ARHGEF18: variants seen among roughly 807,000 people sequenced by gnomAD.
ARHGEF18 encodes the protein Rho/Rac guanine nucleotide exchange factor 18.
A neutral mutation model predicts 155.7 loss-of-function variants in ARHGEF18; 93 were observed. The ratio of observed to expected loss-of-function variants is 0.60; its 90% CI spans 0.50 to 0.71. The LOEUF (loss-of-function observed/expected upper bound fraction) is 0.71. ARHGEF18 is among the 30% of genes least tolerant of loss of function. The probability of loss-of-function intolerance (pLI) is 0.00; values close to 1 mark genes in which losing one functional copy is unlikely to be tolerated. For missense variants in ARHGEF18, 1,593 were observed against 1,816.1 expected (o/e 0.88, Z 2.23); for synonymous variants, 742 against 753.1 (o/e 0.99, Z 0.24).
At position 7,376,578 on chromosome 19, in the gene ARHGEF18, T is replaced by A. The variant is rs1970470574; in HGVS notation, c.427-65T>A. 9.1e-6 allele frequency: 10 copies of A among 1,104,522 alleles called. No homozygotes were observed. The East Asian group carries it at 3.2e-4, about 36-fold the overall frequency. 68.4% of individuals were successfully genotyped at this position (1,104,522 alleles called of 1,614,324 possible). A position where few individuals can be genotyped will look rare whatever the true frequency, so the allele number is the denominator to read the frequency against. Reference sequence around the variant, plus strand: ...CCTGGCTGTGGGTTGGGCCCCTCAATCCAGGGAACCTGCCTGCAGTCCAGG... The same window carrying A: ...CCTGGCTGTGGGTTGGGCCCCTCAAACCAGGGAACCTGCCTGCAGTCCAGG... On this transcript the variant is annotated intron_variant, in intron 4 of 28. Transcript: ENST00000668164.
In ARHGEF18 at chr19:7,444,146, C is replaced by A; in HGVS notation, c.1361-58C>A. 1 of 1,589,986 alleles carries A rather than the reference C, an allele frequency of 6.3e-7. No homozygotes were observed. The highest frequency in any genetic ancestry group is 8.6e-7 in the Non-Finnish European group (1 of 1,165,332). On this transcript the variant is annotated intron_variant, in intron 13 of 28. Coordinates refer to ENST00000668164, the MANE Select transcript of ARHGEF18 (RefSeq NM_001367823.1). This position sits in a 1 kb window ranked among gnomAD's most constrained non-coding sequence, Gnocchi z 4.7. ...CGTGAAGGGCAGGCAGCACCCACGA[C>A]TGCCCAGCGGGGCCGTGGAGCCAGC...
At chr19:7,379,693 G>A (rs1158872487) in intron 7 of ARHGEF18, among the ~76,000 whole-genome samples, 7 of 152,170 alleles carry the variant, frequency 4.6e-5, no homozygotes, top group Non-Finnish European at 1.0e-4. Flanking sequence ...GCAAACAGGT[G>A]AAGGTGCCTC....
At position 7,440,139 on chromosome 19, in the gene ARHGEF18, A is replaced by C. The variant is rs776293948; in HGVS notation, c.968-205A>C. 3.9e-6 allele frequency: 6 copies of C among 1,551,168 alleles called. No homozygotes were observed. Among genetic ancestry groups the C allele is most frequent in the Non-Finnish European group, 5.2e-6 (6 of 1,146,914 alleles). On this transcript the variant is annotated intron_variant, in intron 10 of 28. Transcript: ENST00000668164. The surrounding 1 kb of genome is among the most constrained non-coding windows in gnomAD (Gnocchi z 5.4). Reference sequence around the variant, plus strand: ...GCACTCCAAAAGCGGGGACAGGCACAGCGCGCTCCCCGGCCGCCCCGAGCT... The same window carrying C: ...GCACTCCAAAAGCGGGGACAGGCACCGCGCGCTCCCCGGCCGCCCCGAGCT...
In ARHGEF18 at chr19:7,441,928, G is replaced by A. The variant is rs757219695; in HGVS notation, c.1236G>A (p.Ser412=). 1.9e-5 allele frequency: 31 copies of A among 1,613,918 alleles called. No homozygotes were observed. The highest frequency in any genetic ancestry group is 2.4e-5 in the Non-Finnish European group (28 of 1,179,994). Residue 412 remains serine, a synonymous_variant, in exon 13 of 29, where the codon TCG becomes TCA. Coordinates refer to ENST00000668164, the MANE Select transcript of ARHGEF18 (RefSeq NM_001367823.1). ...TTCCCTCAGATCCCTACACCGCCTC[G>A]CTGAGGAGTGAGATTGAGTCAGACG... The part of the protein sequence containing the change: ...SIFVEDPYTA[S]LRSEIESDGH...
At chr19:7,361,991 GGAAGAA>G (rs1185709548) in intron 1 of ARHGEF18, among the ~76,000 whole-genome samples, 5,623 of 79,542 alleles carry the variant, frequency 0.071, 768 homozygotes, top group East Asian at 0.18. Flanking sequence ...AAGACTCTGT[GGAAGAA>G]GAAGAAGAAG....
At chr19:7,361,504 T>G (rs1753340415) in intron 1 of ARHGEF18, among the ~76,000 whole-genome samples, 1 of 152,116 alleles carries the variant, frequency 6.6e-6, no homozygotes, top group South Asian at 2.1e-4. Context: ...ACTCCAGCAA[T>G]TCCCTTCCTA....
At chr19:7,368,392 C>T (rs952795762) in intron 2 of ARHGEF18, among the ~76,000 whole-genome samples, 7 of 152,116 alleles carry the variant, frequency 4.6e-5, no homozygotes, top group African/African-American at 1.7e-4. Flanking sequence ...GCGTACGATG[C>T]TTACTCAGAT....
chr19:7,439,631 C>CGTGTAGAT lies in ARHGEF18; in HGVS notation c.968-713_968-712insGTGTAGAT. The CGTGTAGAT allele has an allele frequency of 7.4e-6, 8 of 1,077,364 alleles. No homozygotes were observed. The South Asian group carries it at 1.0e-4, about 14-fold the overall frequency. The allele number at this position is 1,077,364 out of a possible 1,614,324, so 66.7% of individuals were successfully genotyped here. A position where few individuals can be genotyped will look rare whatever the true frequency, so the allele number is the denominator to read the frequency against. ...ATCACCATATGGAACAGAATCGGAGCCTCGCGTCCACTTCGATGCTAGAAT... is the reference window on the plus strand; with the variant it reads ...ATCACCATATGGAACAGAATCGGAGCGTGTAGATCTCGCGTCCACTTCGATGCTAGAAT... On this transcript the variant is annotated intron_variant, in intron 10 of 28. Coordinates refer to ENST00000668164, the MANE Select transcript of ARHGEF18 (RefSeq NM_001367823.1).
At chr19:7,378,600 C>A in intron 6 of ARHGEF18, 149 bp downstream of exon 6, 1 of 531,768 alleles carries the variant, frequency 1.9e-6, no homozygotes, top group Non-Finnish European at 2.8e-6. Context: ...ATAACCTCAT[C>A]TTTCTGCCAC....
At chr19:7,476,623 C>T (rs540242111), downstream of ARHGEF18, among the ~76,000 whole-genome samples, 19 of 152,360 alleles carry the variant, frequency 1.2e-4, no homozygotes, top group East Asian at 3.1e-3. Context: ...GCCACGCCCT[C>T]GGGTGGCCTG....
intron 10 of ARHGEF18, among the ~76,000 whole-genome samples, chr19:7,393,132 C>T (rs549218196): frequency 2.0e-5 from 3 of 151,562 alleles, no homozygotes; most frequent in African/African-American, 7.3e-5. Flanking sequence ...AGCTGCCCAA[C>T]CATTGAGCCC....
intron 2 of ARHGEF18, 53 bp from the exon 3 acceptor site, chr19:7,372,759 T>C (rs182769898): frequency 8.9e-6 from 11 of 1,233,624 alleles, no homozygotes; most frequent in Non-Finnish European, 1.1e-5. Context: ...CCCCAGGTTC[T>C]GCTGCCCCTT....
intron 10 of ARHGEF18, among the ~76,000 whole-genome samples, chr19:7,398,690 CAAA>C (rs1176940342): frequency 3.5e-5 from 4 of 114,884 alleles, no homozygotes; most frequent in Non-Finnish European, 6.0e-5. Flanking sequence ...GACTCTGTCT[CAAA>C]AAAAAAAAAA....
intron 10 of ARHGEF18, among the ~76,000 whole-genome samples, chr19:7,399,715 C>T (rs1057069755): frequency 2.0e-5 from 3 of 151,306 alleles, no homozygotes; most frequent in African/African-American, 7.3e-5. Context: ...TTCCTGACCT[C>T]GTGATCCGCC....
chr19:7,404,754 ATTGGTCTGG>A (rs1972210771), intron 10 of ARHGEF18, among the ~76,000 whole-genome samples: 2 of 151,992 alleles, frequency 1.3e-5, no homozygotes, highest in Non-Finnish European at 2.9e-5. Context: ...ATAGCTCTCT[ATTGGTCTGG>A]AAGGTTCGCC....
At chr19:7,451,851 A>T (rs1975499261) in intron 16 of ARHGEF18, among the ~76,000 whole-genome samples, 1 of 152,030 alleles carries the variant, frequency 6.6e-6, no homozygotes, top group Non-Finnish European at 1.5e-5. Flanking sequence ...ACTCCCGAGT[A>T]GCTAGGACTA....
Position 7,453,492 on chromosome 19 carries a change from G to A in ARHGEF18, c.1881G>A (p.Leu627=). Residue 627 remains leucine, a synonymous_variant, in exon 17 of 29, where the codon CTG becomes CTA. Transcript: ENST00000668164. ...TEAGTEDYED[L]TQALNLIKDI... ...CTGGCACTGAGGACTATGAAGACCT[G>A]ACCCAGGCCTTGAACCTCATCAAAG... 6.2e-7 allele frequency: 1 copy of A among 1,611,406 alleles called. No individual in the cohort carries two copies. The highest frequency in any genetic ancestry group is 8.5e-7 in the Non-Finnish European group (1 of 1,178,046).
intron 10 of ARHGEF18, among the ~76,000 whole-genome samples, chr19:7,436,498 G>A (rs1433454475): frequency 6.6e-6 from 1 of 152,012 alleles, no homozygotes; most frequent in Non-Finnish European, 1.5e-5. Flanking sequence ...GGCTGGTCTT[G>A]AACTCCTGAC....
intron 10 of ARHGEF18, among the ~76,000 whole-genome samples, chr19:7,437,760 C>T (rs1197189153): frequency 6.6e-6 from 1 of 151,372 alleles, no homozygotes; most frequent in African/African-American, 2.4e-5. Flanking sequence ...TCTCCTGCCT[C>T]AGCCTCCCGA....
Sources: gnomAD v4.1 joint callset for allele counts (sites outside exome capture counted in the v4.1 genomes callset) on GRCh38, gnomAD v4.1.1 for gene constraint, Gnocchi (gnomAD v3.1) non-coding constraint, MANE v1.5 for transcripts, NCBI Gene and HGNC (gene_info 2026-07-23, HGNC 2026-07-21) for gene names.